Variants in LRRC8B observed in about 807,000 individuals in gnomAD.
The protein encoded by LRRC8B is leucine rich repeat containing 8 VRAC subunit B.
In LRRC8B, 23 loss-of-function variants were observed where a neutral mutation model predicts 58.8. The observed-to-expected ratio is 0.39, with a 90% CI of 0.28 to 0.55. The LOEUF (loss-of-function observed/expected upper bound fraction) is 0.55, where lower values mean the gene tolerates loss of function less well. LRRC8B is among the 20% of genes least tolerant of loss of function. The probability of loss-of-function intolerance (pLI) is 0.62; values close to 1 mark genes in which losing one functional copy is unlikely to be tolerated. For synonymous variants in LRRC8B, 359 were observed against 374.1 expected, an observed-to-expected ratio of 0.96 and a Z score of 0.47; for missense variants, 694 against 936.0, an observed-to-expected ratio of 0.74 and a Z score of 3.37.
intron 5 of LRRC8B, among the ~76,000 whole-genome samples, chr1:89,592,530 C>G (rs1655048444): frequency 2.6e-5 from 4 of 151,962 alleles, no homozygotes; most frequent in Admixed American, 6.6e-5. Flanking sequence ...AATTCGTTGC[C>G]CACCCATATA....
chr1:89,585,721 A>G (rs956323923), intron 5 of LRRC8B, among the ~76,000 whole-genome samples: 5 of 152,106 alleles, frequency 3.3e-5, no homozygotes, highest in African/African-American at 1.2e-4. Flanking sequence ...AGGCAGGAGA[A>G]TCGCTTGAAC....
In LRRC8B at chr1:89,592,183, G is replaced by A. The variant is rs558776817; in HGVS notation, c.2140-588G>A. ...TTATTTAGTTGAAACCATGCCAGAG[G>A]GAAGGAACAAGAGTAAATATTCAGG... On this transcript the variant is annotated intron_variant, in intron 5 of 5. Coordinates refer to ENST00000330947, the MANE Select transcript of LRRC8B (RefSeq NM_001369817.2). Among the ~76,000 whole-genome samples the A allele has an allele frequency of 3.9e-5, 6 of 152,150 alleles. No homozygotes were observed. In the East Asian group the frequency reaches 9.7e-4, roughly 24 times the overall value.
At chr1:89,573,507 G>A (rs1653621130) in intron 3 of LRRC8B, among the ~76,000 whole-genome samples, 1 of 151,956 alleles carries the variant, frequency 6.6e-6, no homozygotes, top group South Asian at 2.1e-4. Context: ...TCATCAAATT[G>A]TTTCCCAGAC....
At chr1:89,553,315 A>G (rs1051066816) in intron 1 of LRRC8B, among the ~76,000 whole-genome samples, 1 of 152,192 alleles carries the variant, frequency 6.6e-6, no homozygotes, top group Non-Finnish European at 1.5e-5. Context: ...AGTAATTGTA[A>G]CTTGATTTTA....
At chr1:89,559,561 G>A (rs1354410846) in intron 1 of LRRC8B, among the ~76,000 whole-genome samples, 4 of 148,474 alleles carry the variant, frequency 2.7e-5, no homozygotes, top group South Asian at 2.1e-4. Flanking sequence ...AGCCATGACC[G>A]CAACACTGCA....
At chr1:89,533,556 C>T (rs1650299414) in intron 1 of LRRC8B, among the ~76,000 whole-genome samples, 1 of 152,140 alleles carries the variant, frequency 6.6e-6, no homozygotes, top group Admixed American at 6.5e-5. Context: ...TCTGAAAGAC[C>T]CTTCCTGACA....
intron 1 of LRRC8B, among the ~76,000 whole-genome samples, chr1:89,532,357 G>A (rs1570551244): frequency 6.6e-6 from 1 of 152,300 alleles, no homozygotes; most frequent in Middle Eastern, 3.4e-3. Flanking sequence ...CAAAACCGCT[G>A]CATGTGATAG....
In LRRC8B at chr1:89,583,061, C is replaced by T; in HGVS notation, c.411C>T (p.Asn137=). The T allele has an allele frequency of 6.2e-7, 1 of 1,614,176 alleles. No individual in the cohort carries two copies. The change falls in exon 5 of 6, where the codon AAC becomes AAT. Residue 137 remains asparagine, a synonymous_variant. Transcript: ENST00000330947. The surrounding 1 kb of genome is among the most constrained non-coding windows in gnomAD (Gnocchi z 5.2). The part of the protein sequence containing the change: ...LHTLIFAACS[N]FWLHYPSTSS... ...CGCTCATCTTTGCAGCCTGCAGCAA[C>T]TTTTGGCTTCACTACCCCAGTACCA...
At chr1:89,574,537 C>T (rs994159558) in intron 3 of LRRC8B, among the ~76,000 whole-genome samples, 3 of 152,174 alleles carry the variant, frequency 2.0e-5, no homozygotes, top group African/African-American at 7.2e-5. Context: ...GGATCTAGCT[C>T]AGGAGATTTT....
Position 89,583,955 on chromosome 1 carries a change from T to C in LRRC8B, c.1305T>C (p.Asn435=). ...TTATGCTCAACGGTCTTCCAGACAA[T>C]GTCTTTGAGTTAACTGAAATGGAAG... is the stretch of plus-strand genomic sequence containing the variant. ...HLFMLNGLPD[N]VFELTEMEVL... Residue 435 remains asparagine (N), a synonymous_variant, in exon 5 of 6, where the codon AAT becomes AAC. Transcript: ENST00000330947. This position sits in a 1 kb window ranked among gnomAD's most constrained non-coding sequence, Gnocchi z 5.2. 5.0e-6 allele frequency: 8 copies of C among 1,614,186 alleles called. No individual in the cohort carries two copies. Among genetic ancestry groups the C allele is most frequent in the Non-Finnish European group, 6.8e-6 (8 of 1,180,042 alleles).
intron 1 of LRRC8B, among the ~76,000 whole-genome samples, chr1:89,548,663 C>G (rs369442404): frequency 6.6e-6 from 1 of 152,096 alleles, no homozygotes; most frequent in African/African-American, 2.4e-5. Context: ...TGGGCTGAAA[C>G]AGATACTGCA....
At chr1:89,552,633 A>G (rs1651906578) in intron 1 of LRRC8B, among the ~76,000 whole-genome samples, 1 of 152,220 alleles carries the variant, frequency 6.6e-6, no homozygotes, top group Non-Finnish European at 1.5e-5. Flanking sequence ...TTACCTAAGA[A>G]GCAAAAGATA....
rs1655098229 is a variant in LRRC8B, at chr1:89,593,119, A to G, written c.*76A>G. 2.7e-6 allele frequency: 4 copies of G among 1,474,086 alleles called. No individual in the cohort carries two copies. In the Admixed American group the frequency reaches 5.4e-5, roughly 20 times the overall value. 91.3% of individuals were successfully genotyped at this position (1,474,086 alleles called of 1,614,324 possible). On this transcript the variant is annotated 3_prime_UTR_variant, in exon 6 of 6. Coordinates refer to ENST00000330947, the MANE Select transcript of LRRC8B (RefSeq NM_001369817.2). ...GCCGGGCGTGGTGGCTCATGCCTATAATCCCAGCACTTTGGGAGGCCAAGA... is the reference window on the plus strand; with the variant it reads ...GCCGGGCGTGGTGGCTCATGCCTATGATCCCAGCACTTTGGGAGGCCAAGA...
At chr1:89,559,231 C>T (rs566208732) in intron 1 of LRRC8B, among the ~76,000 whole-genome samples, 97 of 152,010 alleles carry the variant, frequency 6.4e-4, no homozygotes, top group African/African-American at 2.2e-3. Flanking sequence ...GGATGTCACC[C>T]GAGCATAGCA....
At chr1:89,572,322 T>G (rs1222945690) in intron 3 of LRRC8B, among the ~76,000 whole-genome samples, 1 of 152,200 alleles carries the variant, frequency 6.6e-6, no homozygotes, top group Non-Finnish European at 1.5e-5. Context: ...TTATGTGTCT[T>G]GGGGATGATC....
chr1:89,565,811 A>G, intron 1 of LRRC8B, among the ~76,000 whole-genome samples: 1 of 152,062 alleles, frequency 6.6e-6, no homozygotes, highest in Admixed American at 6.5e-5. Context: ...GGGCAGGCTA[A>G]GGATTTGATG....
chr1:89,557,606 G>A (rs1354668961), intron 1 of LRRC8B, among the ~76,000 whole-genome samples: 1 of 152,130 alleles, frequency 6.6e-6, no homozygotes, highest in Non-Finnish European at 1.5e-5. Flanking sequence ...GCAGGCCTGG[G>A]ACTCAGTCCA....
In LRRC8B at chr1:89,565,953, A is replaced by G. The variant is rs189140090; in HGVS notation, c.-240-2294A>G. The stretch of plus-strand genomic sequence containing the variant: ...TTTGCCAGTTTCTGACCCGAAGGAA[A>G]TAGACTCATGATATTTTCTTCCATC... On this transcript the variant is annotated intron_variant, in intron 1 of 5. Transcript: ENST00000330947. 1.8e-4 allele frequency among the ~76,000 whole-genome samples: 27 copies of G among 152,328 alleles called. No homozygotes were observed. The East Asian group carries it at 4.2e-3, about 24-fold the overall frequency.
At chr1:89,537,788 A>T (rs1450555159) in intron 1 of LRRC8B, among the ~76,000 whole-genome samples, 2 of 152,114 alleles carry the variant, frequency 1.3e-5, no homozygotes, top group Non-Finnish European at 2.9e-5. Context: ...TGGTGTTCTT[A>T]TAAAGGAGGT....
Sources: gnomAD v4.1 joint callset for allele counts (sites outside exome capture counted in the v4.1 genomes callset) on GRCh38, gnomAD v4.1.1 for gene constraint, Gnocchi (gnomAD v3.1) non-coding constraint, MANE v1.5 for transcripts, NCBI Gene and HGNC (gene_info 2026-07-23, HGNC 2026-07-21) for gene names.